The following KLHL1 variants were observed in gnomAD, a reference collection of about 807,000 sequenced individuals.
KLHL1 encodes kelch like family member 1.
KLHL1 carries 47 observed loss-of-function variants against 77.7 expected under a neutral mutation model. The observed-to-expected ratio is 0.60, with a 90% CI of 0.48 to 0.77. The LOEUF (loss-of-function observed/expected upper bound fraction) is 0.77, where lower values mean the gene tolerates loss of function less well. KLHL1 is among the 30% of genes least tolerant of loss of function. KLHL1 has a pLI of 0.00. For missense variants in KLHL1, 925 were observed against 910.8 expected (o/e 1.02, Z -0.20); for synonymous variants, 360 against 325.2 (o/e 1.11, Z -1.15).
intron 2 of KLHL1, among the ~76,000 whole-genome samples, chr13:69,971,868 A>G (rs1884391624): frequency 6.6e-6 from 1 of 152,220 alleles, no homozygotes; most frequent in Non-Finnish European, 1.5e-5. Flanking sequence ...ATGTTTGATA[A>G]TTGTTTGTTT....
At chr13:69,895,111 TG>T in intron 4 of KLHL1, 1 of 464,906 alleles carries the variant, frequency 2.2e-6, no homozygotes. Flanking sequence ...TTTCTTCTAA[TG>T]GTTTCATTTG....
At chr13:69,895,581 G>A (rs984424637) in intron 4 of KLHL1, among the ~76,000 whole-genome samples, 1 of 152,162 alleles carries the variant, frequency 6.6e-6, no homozygotes, top group African/African-American at 2.4e-5. Flanking sequence ...TGCAGTTCTG[G>A]AGGTCAGAAG....
At chr13:70,030,044 C>G (rs1886054643) in intron 1 of KLHL1, among the ~76,000 whole-genome samples, 1 of 152,216 alleles carries the variant, frequency 6.6e-6, no homozygotes, top group Middle Eastern at 3.2e-3. Flanking sequence ...GAAGAGCTAA[C>G]TATCCTAAAT....
intron 4 of KLHL1, among the ~76,000 whole-genome samples, chr13:69,902,650 G>T (rs892896947): frequency 6.6e-6 from 1 of 151,006 alleles, no homozygotes; most frequent in Admixed American, 6.6e-5. Context: ...GCAAACTATC[G>T]CAAGGACAAA....
At chr13:69,827,749 A>G (rs1301159705) in intron 6 of KLHL1, among the ~76,000 whole-genome samples, 1 of 150,612 alleles carries the variant, frequency 6.6e-6, no homozygotes, top group East Asian at 1.9e-4. Context: ...AAAAAAAAAA[A>G]AAAGTTATTC....
intron 9 of KLHL1, among the ~76,000 whole-genome samples, chr13:69,717,460 T>C (rs1872818921): frequency 1.3e-5 from 2 of 152,306 alleles, no homozygotes; most frequent in South Asian, 4.1e-4. Flanking sequence ...TCTGCATTAC[T>C]TAAGCTGCTC....
intron 7 of KLHL1, among the ~76,000 whole-genome samples, chr13:69,776,168 A>G (rs1490710613): frequency 6.6e-6 from 1 of 151,914 alleles, no homozygotes; most frequent in East Asian, 1.9e-4. Flanking sequence ...AAAAAAAAAT[A>G]AAAATAAAAA....
intron 1 of KLHL1, among the ~76,000 whole-genome samples, chr13:70,063,403 A>C (rs1886936098): frequency 6.6e-6 from 1 of 152,154 alleles, no homozygotes; most frequent in Non-Finnish European, 1.5e-5. Flanking sequence ...AACATTTAGT[A>C]AAACTTCATT....
chr13:69,961,016 C>CAA (rs1478783299), intron 3 of KLHL1, among the ~76,000 whole-genome samples: 2 of 151,934 alleles, frequency 1.3e-5, no homozygotes, highest in African/African-American at 2.4e-5. Flanking sequence ...TGGACATAAA[C>CAA]AAATTATTAT....
chr13:69,713,519 A>G (rs1875975476), intron 9 of KLHL1, among the ~76,000 whole-genome samples: 1 of 152,086 alleles, frequency 6.6e-6, no homozygotes, highest in Admixed American at 6.6e-5. Context: ...TCACTTATTC[A>G]GATATTCATT....
intron 2 of KLHL1, among the ~76,000 whole-genome samples, chr13:69,972,410 T>C (rs1179008625): frequency 6.6e-6 from 1 of 151,982 alleles, no homozygotes; most frequent in East Asian, 1.9e-4. Flanking sequence ...TTTTAGTCTG[T>C]AGAATAGGAT....
In KLHL1 at chr13:69,927,243, C is replaced by T. The variant is rs140056481; in HGVS notation, c.1014+12797G>A. ...AAATAATAAAGTTACACCTTTACTT[C>T]ACACCATATAAAAATTAACTCAAAG... On this transcript the variant is annotated intron_variant, in intron 4 of 10. Coordinates refer to ENST00000377844, the MANE Select transcript of KLHL1 (RefSeq NM_020866.3). Among the ~76,000 whole-genome samples, 160 of 152,146 alleles carry T rather than the reference C, an allele frequency of 1.1e-3. 2 individuals carry two copies. The highest frequency in any genetic ancestry group is 1.9e-3 in the Non-Finnish European group (129 of 68,006).
chr13:69,949,971 C>T (rs752558623), intron 3 of KLHL1, among the ~76,000 whole-genome samples: 13 of 151,632 alleles, frequency 8.6e-5, no homozygotes, highest in Non-Finnish European at 1.9e-4. Flanking sequence ...CTAAAAATTA[C>T]CGCAAAATGA....
rs1326704007 is a variant in KLHL1, at chr13:69,719,430, C to T, written c.1954G>A (p.Val652Ile). 1.2e-6 allele frequency: 2 copies of T among 1,613,600 alleles called. No homozygotes were observed. The highest frequency in any genetic ancestry group is 2.2e-5 in the East Asian group (1 of 44,844). Residue 652 changes from valine to isoleucine, a missense_variant, in exon 9 of 11, where the codon GTA becomes ATA. Physicochemically the swap from Val to Ile is conservative, Grantham distance 29 (BLOSUM62 3). Transcript: ENST00000377844. ...VATCDGFLYA[V>I]GGHDAPASNH... ...GAAGCAGGAGCATCATGACCTCCTACTGCATAAAGAAAACCGTCACATGTG... is the reference window on the plus strand; with the variant it reads ...GAAGCAGGAGCATCATGACCTCCTATTGCATAAAGAAAACCGTCACATGTG...
chr13:69,764,390 T>C (rs1875167928), intron 7 of KLHL1, among the ~76,000 whole-genome samples: 1 of 152,178 alleles, frequency 6.6e-6, no homozygotes, highest in Non-Finnish European at 1.5e-5. Flanking sequence ...CTATTCTGGT[T>C]CGAAGGGAGG....
chr13:69,929,913 T>C (rs2138279643), intron 4 of KLHL1, among the ~76,000 whole-genome samples: 1 of 152,012 alleles, frequency 6.6e-6, no homozygotes, highest in African/African-American at 2.4e-5. Flanking sequence ...ATTTTAATAA[T>C]GTTGTCTGAT....
At chr13:69,809,535 C>T (rs1041460559) in intron 6 of KLHL1, among the ~76,000 whole-genome samples, 8 of 152,104 alleles carry the variant, frequency 5.3e-5, no homozygotes, top group Non-Finnish European at 1.2e-4. Context: ...ACCAGATCGG[C>T]TCTATGAGAG....
Position 69,770,119 on chromosome 13 carries a change from C to G in KLHL1, c.1639+26619G>C, listed in dbSNP as rs185545186. 1.1e-4 allele frequency among the ~76,000 whole-genome samples: 17 copies of G among 152,276 alleles called. No individual in the cohort carries two copies. The East Asian group carries it at 3.1e-3, about 28-fold the overall frequency. On this transcript the variant is annotated intron_variant, in intron 7 of 10. Coordinates refer to ENST00000377844, the MANE Select transcript of KLHL1 (RefSeq NM_020866.3). ...GACTCCTCAGGAGAGAGCTATAACA[C>G]CCCCTTGGGACTCCATGATGGCTGG... is the stretch of plus-strand genomic sequence containing the variant.
intron 7 of KLHL1, among the ~76,000 whole-genome samples, chr13:69,768,845 G>A (rs1009700871): frequency 6.6e-6 from 1 of 152,108 alleles, no homozygotes. Context: ...GGTGCTTACA[G>A]AAATTGAACA....
Sources: allele counts gnomAD v4.1 joint callset (sites outside exome capture counted in the v4.1 genomes callset), GRCh38; gene constraint gnomAD v4.1.1; transcripts MANE v1.5; gene names NCBI Gene and HGNC (gene_info 2026-07-23, HGNC 2026-07-21).